CDH13: variants seen among roughly 807,000 people sequenced by gnomAD.
The protein encoded by CDH13 is cadherin 13.
A neutral mutation model predicts 63.8 loss-of-function variants in CDH13; 24 were observed. The observed-to-expected ratio is 0.38, with a 90% CI of 0.27 to 0.53. The LOEUF is 0.53. Among genes scored for constraint, CDH13 ranks in the 20% least tolerant of loss-of-function variants. CDH13 has a pLI of 0.85. For missense variants in CDH13, 1,049 were observed against 903.1 expected, an observed-to-expected ratio of 1.16 and a Z score of -2.07; for synonymous variants, 503 against 355.3, an observed-to-expected ratio of 1.42 and a Z score of -4.67.
chr16:83,345,929 C>T (rs1198829397), intron 6 of CDH13, among the ~76,000 whole-genome samples: 1 of 152,078 alleles, frequency 6.6e-6, no homozygotes, highest in Non-Finnish European at 1.5e-5. Context: ...TCCCCCTTTT[C>T]TGAATTGATG....
At chr16:83,069,511 T>C (rs2032279412) in intron 3 of CDH13, among the ~76,000 whole-genome samples, 1 of 152,196 alleles carries the variant, frequency 6.6e-6, no homozygotes, top group African/African-American at 2.4e-5. Context: ...ATTTTGAAGA[T>C]GAAAAGCTGA....
At chr16:82,693,804 C>T (rs1172507080) in intron 1 of CDH13, among the ~76,000 whole-genome samples, 3 of 152,084 alleles carry the variant, frequency 2.0e-5, no homozygotes, top group Admixed American at 6.5e-5. Flanking sequence ...CATTATTGAC[C>T]CAAGGTGCCA....
At chr16:83,697,566 C>A (rs528126041) in intron 10 of CDH13, among the ~76,000 whole-genome samples, 38 of 152,280 alleles carry the variant, frequency 2.5e-4, no homozygotes, top group African/African-American at 6.0e-4. Flanking sequence ...AGCAGAAGTG[C>A]ACATAAGATA....
chr16:83,487,229 A>G (rs911251044), intron 7 of CDH13, among the ~76,000 whole-genome samples: 1 of 152,186 alleles, frequency 6.6e-6, no homozygotes. Flanking sequence ...CAGTCAGTCC[A>G]CATGCCTGCT....
chr16:82,660,490 C>T (rs902771246), intron 1 of CDH13, among the ~76,000 whole-genome samples: 9 of 152,272 alleles, frequency 5.9e-5, no homozygotes, highest in Admixed American at 2.0e-4. Flanking sequence ...GTCAGTCAAT[C>T]CACAAACCAT....
intron 6 of CDH13, among the ~76,000 whole-genome samples, chr16:83,388,095 G>T (rs931136233): frequency 6.6e-6 from 1 of 152,146 alleles, no homozygotes; most frequent in East Asian, 1.9e-4. Context: ...ACACCCTGAG[G>T]CTGTACTTGG....
intron 2 of CDH13, among the ~76,000 whole-genome samples, chr16:82,893,940 CAT>C (rs758817132): frequency 1.3e-5 from 2 of 152,154 alleles, no homozygotes; most frequent in African/African-American, 4.8e-5. Context: ...TAACCTCCCA[CAT>C]GTTTTCCTGC....
chr16:82,763,676 T>C (rs1470060697), intron 1 of CDH13, among the ~76,000 whole-genome samples: 1 of 152,242 alleles, frequency 6.6e-6, no homozygotes, highest in African/African-American at 2.4e-5. Context: ...ATTTTATTTT[T>C]ATTTTTATTA....
intron 13 of CDH13, among the ~76,000 whole-genome samples, chr16:83,784,595 G>T (rs1045838883): frequency 7.0e-6 from 1 of 142,352 alleles, no homozygotes; most frequent in Non-Finnish European, 1.5e-5. Flanking sequence ...TCATGCCATT[G>T]ATCTCCAACC....
intron 4 of CDH13, among the ~76,000 whole-genome samples, chr16:83,139,632 CT>C (rs67365554): frequency 0.019 from 2,965 of 152,082 alleles, 67 homozygotes; most frequent in South Asian, 0.08. Context: ...TTGCAAATCA[CT>C]TTTTTTTCTT....
chr16:83,011,447 C>T (rs554569057), intron 2 of CDH13, among the ~76,000 whole-genome samples: 2 of 152,282 alleles, frequency 1.3e-5, no homozygotes, highest in South Asian at 4.2e-4. Flanking sequence ...ACAAGTAGTG[C>T]AAATCGAAAG....
At chr16:83,495,333 G>C (rs1390886670) in intron 7 of CDH13, among the ~76,000 whole-genome samples, 1 of 152,162 alleles carries the variant, frequency 6.6e-6, no homozygotes, top group Non-Finnish European at 1.5e-5. Flanking sequence ...ATTTTGTTTG[G>C]CAATTGGTTG....
intron 3 of CDH13, among the ~76,000 whole-genome samples, chr16:83,089,046 T>C (rs2033759351): frequency 6.6e-6 from 1 of 152,232 alleles, no homozygotes; most frequent in Non-Finnish European, 1.5e-5. Flanking sequence ...ACCTGGTTCT[T>C]TATAGACAAA....
intron 6 of CDH13, among the ~76,000 whole-genome samples, chr16:83,445,807 A>G (rs1355877361): frequency 6.6e-6 from 1 of 152,200 alleles, no homozygotes; most frequent in Non-Finnish European, 1.5e-5. Context: ...GCTTGGAAAT[A>G]TAACTCGGAG....
At chr16:82,818,115 TG>T (rs2037814335) in intron 1 of CDH13, among the ~76,000 whole-genome samples, 1 of 60,716 alleles carries the variant, frequency 1.6e-5, no homozygotes, top group Admixed American at 2.8e-4. Flanking sequence ...CATGTATGGT[TG>T]TGTGTGTGTG....
At chr16:83,200,362 C>A (rs1172077719) in intron 4 of CDH13, among the ~76,000 whole-genome samples, 1 of 152,186 alleles carries the variant, frequency 6.6e-6, no homozygotes, top group Non-Finnish European at 1.5e-5. Flanking sequence ...AACCAGTCTC[C>A]TTTTCTGCTG....
intron 1 of CDH13, among the ~76,000 whole-genome samples, chr16:82,713,368 C>G (rs1051268636): frequency 6.6e-6 from 1 of 152,084 alleles, no homozygotes; most frequent in Admixed American, 6.6e-5. Flanking sequence ...ATTTGAAGTA[C>G]CTGCATGAGT....
Position 83,228,124 on chromosome 16 carries a change from C to T in CDH13, c.636+10627C>T, listed in dbSNP as rs1479433388. 2.6e-5 allele frequency among the ~76,000 whole-genome samples: 4 copies of T among 152,178 alleles called. No individual in the cohort carries two copies. In the South Asian group the frequency reaches 8.3e-4, roughly 31 times the overall value. ...CCTGAGGGCAGGAATGAGTGCTGTC[C>T]TTATCTCTCATGTACCCCTGACAGC... On this transcript the variant is annotated intron_variant, in intron 5 of 13. Transcript: ENST00000567109.
intron 10 of CDH13, among the ~76,000 whole-genome samples, chr16:83,723,986 A>T (rs1007469476): frequency 6.7e-6 from 1 of 150,062 alleles, no homozygotes; most frequent in Non-Finnish European, 1.5e-5. Context: ...GCATGGATGA[A>T]TGTGGAATGC....
Sources: allele counts gnomAD v4.1 joint callset (sites outside exome capture counted in the v4.1 genomes callset), GRCh38; gene constraint gnomAD v4.1.1; transcripts MANE v1.5; gene names NCBI Gene and HGNC (gene_info 2026-07-23, HGNC 2026-07-21).